The following GOSR1 variants were observed in gnomAD, a reference collection of about 807,000 sequenced individuals.
The protein encoded by GOSR1 is 28 kDa Golgi SNARE protein.
GOSR1 carries 21 observed loss-of-function variants against 35.5 expected under a neutral mutation model. The ratio of observed to expected loss-of-function variants is 0.59; its 90% CI spans 0.42 to 0.85. The LOEUF is 0.85. Ranked by LOEUF, GOSR1 falls within the 40% of genes least tolerant of loss-of-function variation. The pLI is 0.00. For missense variants in GOSR1, 285 were observed against 309.6 expected (o/e 0.92, Z 0.60); for synonymous variants, 94 against 106.6 (o/e 0.88, Z 0.73).
chr17:30,483,644 G>A (rs1914492899), intron 2 of GOSR1, among the ~76,000 whole-genome samples: 1 of 152,176 alleles, frequency 6.6e-6, no homozygotes, highest in Non-Finnish European at 1.5e-5. Flanking sequence ...GTATAACTCT[G>A]ATCTGTATTG....
chr17:30,513,206 AAAG>A (rs1306338899), intron 7 of GOSR1, among the ~76,000 whole-genome samples: 1 of 152,200 alleles, frequency 6.6e-6, no homozygotes, highest in Non-Finnish European at 1.5e-5. Context: ...AACTTATTGA[AAAG>A]AACTAGCATT....
chr17:30,519,306 G>T (rs868373387), intron 7 of GOSR1, among the ~76,000 whole-genome samples: 9 of 152,254 alleles, frequency 5.9e-5, no homozygotes, highest in African/African-American at 1.9e-4. Flanking sequence ...TCCCACCTCG[G>T]TCTTCCAAAT....
intron 8 of GOSR1, 24 bp from the exon 9 acceptor site, chr17:30,522,230 G>T: frequency 6.3e-7 from 1 of 1,580,472 alleles, no homozygotes; most frequent in South Asian, 1.2e-5. Flanking sequence ...TTCCAAATAT[G>T]ACCTTAATAA....
At chr17:30,498,625 A>G (rs998118518) in intron 6 of GOSR1, among the ~76,000 whole-genome samples, 2 of 152,220 alleles carry the variant, frequency 1.3e-5, no homozygotes, top group African/African-American at 4.8e-5. Context: ...CCTCATGACC[A>G]TGCCTTTGTC....
At chr17:30,507,092 C>T (rs538494877) in intron 6 of GOSR1, among the ~76,000 whole-genome samples, 7 of 152,246 alleles carry the variant, frequency 4.6e-5, no homozygotes, top group East Asian at 3.9e-4. Flanking sequence ...TCATGCCAGC[C>T]GACACAGCAT....
chr17:30,503,157 CT>C, intron 6 of GOSR1, among the ~76,000 whole-genome samples: 1 of 152,230 alleles, frequency 6.6e-6, no homozygotes, highest in East Asian at 1.9e-4. Flanking sequence ...AAGATACTAT[CT>C]AAGTGATTTT....
intron 8 of GOSR1, 45 bp downstream of exon 8, chr17:30,520,066 G>A (rs1449118033): frequency 2.4e-6 from 3 of 1,236,660 alleles, no homozygotes; most frequent in South Asian, 1.2e-5. Context: ...AGGGTAGAGG[G>A]GAGAAGTGTC....
At chr17:30,484,120 AT>A (rs1914522928) in intron 2 of GOSR1, 93 bp from the exon 3 acceptor site, 5 of 738,600 alleles carry the variant, frequency 6.8e-6, no homozygotes, top group Admixed American at 3.8e-5. Context: ...TCCATAATTC[AT>A]TTTATGGCTC....
At chr17:30,511,997 A>G (rs997811024) in intron 7 of GOSR1, among the ~76,000 whole-genome samples, 15 of 152,342 alleles carry the variant, frequency 9.8e-5, no homozygotes, top group African/African-American at 3.6e-4. Context: ...TGACTAGTAA[A>G]TAGTATTAAG....
rs1329699180 is a variant in GOSR1, at chr17:30,526,729, T to G, written c.*4351T>G. 6.5e-6 allele frequency: 1 copy of G among 152,674 alleles called. No individual in the cohort carries two copies. 9.5% of individuals were successfully genotyped at this position (152,674 alleles called of 1,614,324 possible). A position where few individuals can be genotyped will look rare whatever the true frequency, so the allele number is the denominator to read the frequency against. On this transcript the variant is annotated 3_prime_UTR_variant, in exon 9 of 9. Coordinates refer to ENST00000451249, the MANE Select transcript of GOSR1 (RefSeq NM_001007025.2). ...CAATTTTATTGTATTTGTACTTAAT[T>G]TTTGTTCTCATCTAAATGTGCATTT...
At chr17:30,497,902 AC>A (rs1266917893) in intron 6 of GOSR1, among the ~76,000 whole-genome samples, 1 of 152,136 alleles carries the variant, frequency 6.6e-6, no homozygotes, top group Non-Finnish European at 1.5e-5. Context: ...TACCAAAAAT[AC>A]AAAAATAAGC....
Position 30,524,206 on chromosome 17 carries a change from T to G in GOSR1, c.*1828T>G, listed in dbSNP as rs1018244059. 1.3e-5 allele frequency: 2 copies of G among 153,038 alleles called. No homozygotes were observed. Among genetic ancestry groups the G allele is most frequent in the South Asian group, 4.1e-4 (2 of 4,834 alleles). 9.5% of individuals were successfully genotyped at this position (153,038 alleles called of 1,614,324 possible). A position where few individuals can be genotyped will look rare whatever the true frequency, so the allele number is the denominator to read the frequency against. On this transcript the variant is annotated 3_prime_UTR_variant, in exon 9 of 9. Coordinates refer to ENST00000451249, the MANE Select transcript of GOSR1 (RefSeq NM_001007025.2). ...CCCCTCTGCGAGAAACACCCAAGAA[T>G]GATCAATTAAAAAAAAAATAATATA...
In GOSR1 at chr17:30,527,013, T is replaced by A. The variant is rs1450782559; in HGVS notation, c.*4635T>A. 6.6e-6 allele frequency: 1 copy of A among 152,032 alleles called. No individual in the cohort carries two copies. Among genetic ancestry groups the A allele is most frequent in the Admixed American group, 6.6e-5 (1 of 15,266 alleles). The allele number at this position is 152,032 out of a possible 1,614,324, so 9.4% of individuals were successfully genotyped here. On this transcript the variant is annotated 3_prime_UTR_variant, in exon 9 of 9. Coordinates refer to ENST00000451249, the MANE Select transcript of GOSR1 (RefSeq NM_001007025.2). The stretch of plus-strand genomic sequence containing the variant: ...TCCACTAGTATTTTAGCCCTAGAAG[T>A]GAAGGGGAATCTCTTAACATGAAAC...
chr17:30,516,430 A>G (rs1597797977), intron 7 of GOSR1, among the ~76,000 whole-genome samples: 1 of 145,928 alleles, frequency 6.9e-6, no homozygotes, highest in East Asian at 2.2e-4. Flanking sequence ...AGATCGCGCC[A>G]CTGCACTCCA....
At chr17:30,520,211 G>T in intron 8 of GOSR1, 190 bp downstream of exon 8, 1 of 463,480 alleles carries the variant, frequency 2.2e-6, no homozygotes, top group South Asian at 5.4e-5. Flanking sequence ...CTAAAAGACT[G>T]CACCTCAGAA....
chr17:30,497,841 T>C (rs1027097585), intron 6 of GOSR1, among the ~76,000 whole-genome samples: 2 of 152,164 alleles, frequency 1.3e-5, no homozygotes, highest in African/African-American at 2.4e-5. Flanking sequence ...GGAGGATCAC[T>C]TGAAGTCAGG....
intron 5 of GOSR1, chr17:30,490,443 T>C: frequency 2.7e-6 from 1 of 367,774 alleles, no homozygotes; most frequent in East Asian, 4.8e-5. Flanking sequence ...CTGCCAACCT[T>C]GACTTTCCTG....
chr17:30,519,135 G>T (rs772550985), intron 7 of GOSR1, among the ~76,000 whole-genome samples: 1 of 151,932 alleles, frequency 6.6e-6, no homozygotes, highest in African/African-American at 2.4e-5. Context: ...ATCACAGCTC[G>T]CTGTAGCCCC....
intron 4 of GOSR1, among the ~76,000 whole-genome samples, chr17:30,486,492 C>T (rs1914693340): frequency 1.3e-5 from 2 of 150,676 alleles, no homozygotes; most frequent in African/African-American, 4.9e-5. Flanking sequence ...CCACTGCACT[C>T]CAGCCTGGGC....
Sources: allele counts gnomAD v4.1 joint callset (sites outside exome capture counted in the v4.1 genomes callset), GRCh38; gene constraint gnomAD v4.1.1; transcripts MANE v1.5; gene names NCBI Gene and HGNC (gene_info 2026-07-23, HGNC 2026-07-21).